Variants in UNC13A observed in about 807,000 individuals in gnomAD.
UNC13A encodes the protein unc-13 homolog A.
In UNC13A, 61 loss-of-function variants were observed where a neutral mutation model predicts 219.7. That is an observed-to-expected ratio of 0.28 (90% CI 0.23 to 0.34). The LOEUF is 0.34. Among genes scored for constraint, UNC13A ranks in the 10% least tolerant of loss-of-function variants. The pLI is 1.00. For missense variants in UNC13A, 1,476 were observed against 2,270.3 expected (o/e 0.65, Z 7.11); for synonymous variants, 920 against 884.6 (o/e 1.04, Z -0.71).
chr19:17,632,202 C>T lies in UNC13A; in HGVS notation c.3428+580G>A, dbSNP rs180980742. Among the ~76,000 whole-genome samples the T allele has an allele frequency of 1.2e-4, 19 of 152,272 alleles. No homozygotes were observed. In the East Asian group the frequency reaches 3.1e-3, roughly 25 times the overall value. On this transcript the variant is annotated intron_variant, in intron 28 of 43. Coordinates refer to ENST00000519716, the MANE Select transcript of UNC13A (RefSeq NM_001080421.3). ...CTGAGATTACAGGCATGAGCCACTG[C>T]GCCCGGCCAATTTTTGTATTTTTGT...
At chr19:17,653,341 T>C (rs541890763) in intron 11 of UNC13A, among the ~76,000 whole-genome samples, 1 of 150,890 alleles carries the variant, frequency 6.6e-6, no homozygotes, top group South Asian at 2.1e-4. Flanking sequence ...TATATATATA[T>C]ATATTTTGTT....
intron 19 of UNC13A, 29 bp downstream of exon 19, chr19:17,645,645 C>G: frequency 6.2e-7 from 1 of 1,613,174 alleles, no homozygotes; most frequent in Non-Finnish European, 8.5e-7. Flanking sequence ...GACCCGTCCC[C>G]ACCCGCTTCA....
intron 36 of UNC13A, among the ~76,000 whole-genome samples, chr19:17,622,160 CAAA>C (rs1471075799): frequency 2.6e-5 from 4 of 152,110 alleles, no homozygotes; most frequent in Non-Finnish European, 4.4e-5. Flanking sequence ...AAGCCACTGC[CAAA>C]ATATAATCCA....
At chr19:17,616,051 C>A (rs886800022) in intron 41 of UNC13A, among the ~76,000 whole-genome samples, 1 of 152,182 alleles carries the variant, frequency 6.6e-6, no homozygotes. Context: ...AAAACTGAGG[C>A]TCAGGGAGAC....
chr19:17,613,492 AC>A (rs1272538005), intron 41 of UNC13A, among the ~76,000 whole-genome samples: 11 of 151,366 alleles, frequency 7.3e-5, no homozygotes. Context: ...GACCTGCAAC[AC>A]CCCTTCCAAT....
chr19:17,684,796 C>A (rs2080078720), intron 1 of UNC13A, among the ~76,000 whole-genome samples: 1 of 152,158 alleles, frequency 6.6e-6, no homozygotes, highest in African/African-American at 2.4e-5. Context: ...GTATGTGCAC[C>A]ATTTAAGTGC....
intron 11 of UNC13A, 50 bp from the exon 12 acceptor site, chr19:17,652,727 C>T: frequency 6.2e-7 from 1 of 1,609,274 alleles, no homozygotes; most frequent in African/African-American, 1.3e-5. Flanking sequence ...CCTCCCCTCC[C>T]CAGAGCAGGC....
In UNC13A at chr19:17,676,000, G is replaced by T. The variant is rs145933418; in HGVS notation, c.52+12C>A. ...GACAACACGGGACAGGACAGCAAGAGAAGCCACTTACCTTGGGCACCATCA... is the reference window on the plus strand; with the variant it reads ...GACAACACGGGACAGGACAGCAAGATAAGCCACTTACCTTGGGCACCATCA... On this transcript the variant is annotated intron_variant, in intron 2 of 43. Coordinates refer to ENST00000519716, the MANE Select transcript of UNC13A (RefSeq NM_001080421.3). The T allele has an allele frequency of 1.4e-4, 217 of 1,551,434 alleles. No individual in the cohort carries two copies. The African/African-American group carries it at 2.6e-3, about 19-fold the overall frequency.
intron 26 of UNC13A, among the ~76,000 whole-genome samples, chr19:17,634,062 C>T (rs1456241469): frequency 2.6e-5 from 4 of 152,062 alleles, no homozygotes; most frequent in Admixed American, 6.6e-5. Flanking sequence ...CCTGTTCATC[C>T]ATCTATCCCT....
At chr19:17,626,546 T>G in intron 34 of UNC13A, 87 bp downstream of exon 34, 1 of 1,393,146 alleles carries the variant, frequency 7.2e-7, no homozygotes, top group Non-Finnish European at 9.4e-7. Flanking sequence ...AAACATTCCC[T>G]GCACACCCTC....
intron 1 of UNC13A, among the ~76,000 whole-genome samples, chr19:17,683,013 T>A (rs1340971075): frequency 6.6e-6 from 1 of 151,836 alleles, no homozygotes; most frequent in Non-Finnish European, 1.5e-5. Flanking sequence ...TACAGTGAAC[T>A]GAAATTGTGC....
chr19:17,611,177 A>C (rs2076599984), intron 42 of UNC13A, among the ~76,000 whole-genome samples: 1 of 152,112 alleles, frequency 6.6e-6, no homozygotes, highest in South Asian at 2.1e-4. Flanking sequence ...AGAAAAACCA[A>C]TTCTATCATT....
Position 17,669,550 on chromosome 19 carries a change from C to A in UNC13A, c.394+3G>T. The stretch of plus-strand genomic sequence containing the variant: ...GGTGAAGGTCCCGGGCCCCTGTACT[C>A]ACCTAAGGGTAGCTCAAAGCGCGTG... On this transcript the variant is annotated splice_donor_region_variant and intron_variant, in intron 5 of 43. Transcript: ENST00000519716. The A allele has an allele frequency of 6.2e-7, 1 of 1,613,446 alleles. No individual in the cohort carries two copies. Among genetic ancestry groups the A allele is most frequent in the Non-Finnish European group, 8.5e-7 (1 of 1,179,590 alleles).
intron 38 of UNC13A, among the ~76,000 whole-genome samples, chr19:17,620,261 G>T (rs1051040987): frequency 6.6e-6 from 1 of 152,116 alleles, no homozygotes; most frequent in African/African-American, 2.4e-5. Context: ...GCTAGGTGGG[G>T]AGGGGGCCCA....
intron 8 of UNC13A, 25 bp from the exon 9 acceptor site, chr19:17,658,294 A>C: frequency 6.3e-7 from 1 of 1,596,944 alleles, no homozygotes; most frequent in East Asian, 2.3e-5. Flanking sequence ...CGGTATGGGA[A>C]GAGGGTGAGG....
chr19:17,662,913 C>A (rs113835732), intron 8 of UNC13A, among the ~76,000 whole-genome samples: 1 of 144,072 alleles, frequency 6.9e-6, no homozygotes, highest in African/African-American at 2.6e-5. Flanking sequence ...GAGTGAGACT[C>A]CGTCTCAAAA....
At chr19:17,647,023 C>T (rs2077034570) in intron 17 of UNC13A, among the ~76,000 whole-genome samples, 2 of 152,240 alleles carry the variant, frequency 1.3e-5, no homozygotes, top group Admixed American at 1.3e-4. Context: ...CCCTCAATTC[C>T]TCTTCTTGGA....
At chr19:17,667,290 G>A (rs1373711577) in intron 6 of UNC13A, among the ~76,000 whole-genome samples, 1 of 151,648 alleles carries the variant, frequency 6.6e-6, no homozygotes. Flanking sequence ...GTAGACATTG[G>A]GGACTCCAGA....
At chr19:17,620,498 C>T (rs1198693630) in intron 38 of UNC13A, among the ~76,000 whole-genome samples, 195 bp downstream of exon 38, 1 of 151,980 alleles carries the variant, frequency 6.6e-6, no homozygotes, top group Non-Finnish European at 1.5e-5. Context: ...TTCCTGGGTA[C>T]CCTCTGCCCT....
Sources: gnomAD v4.1 joint callset for allele counts (sites outside exome capture counted in the v4.1 genomes callset) on GRCh38, gnomAD v4.1.1 for gene constraint, MANE v1.5 for transcripts, NCBI Gene and HGNC (gene_info 2026-07-23, HGNC 2026-07-21) for gene names.